NHSL1: variants seen among roughly 807,000 people sequenced by gnomAD.
The protein encoded by NHSL1 is NHS-like protein 1.
NHSL1 carries 48 observed loss-of-function variants against 95.0 expected under a neutral mutation model. The observed-to-expected ratio is 0.51, with a 90% CI of 0.40 to 0.64. NHSL1 has a LOEUF of 0.64. Among genes scored for constraint, NHSL1 ranks in the 30% least tolerant of loss-of-function variants. The probability of loss-of-function intolerance (pLI) is 0.00; values close to 1 mark genes in which losing one functional copy is unlikely to be tolerated. For synonymous variants in NHSL1, 783 were observed against 833.9 expected (o/e 0.94, Z 1.05); for missense variants, 1,971 against 2,077.7 (o/e 0.95, Z 1.00).
At chr6:138,475,546 T>A (rs532044528) in intron 2 of NHSL1, among the ~76,000 whole-genome samples, 79 of 152,238 alleles carry the variant, frequency 5.2e-4, no homozygotes, top group Non-Finnish European at 9.3e-4. Context: ...AGTTTTCAAA[T>A]GGTATTTTCT....
chr6:138,520,688 T>C (rs962123370), intron 1 of NHSL1, among the ~76,000 whole-genome samples: 2 of 152,212 alleles, frequency 1.3e-5, no homozygotes, highest in African/African-American at 4.8e-5. Flanking sequence ...CCAAATATTT[T>C]ACCACAGATA....
intron 1 of NHSL1, among the ~76,000 whole-genome samples, chr6:138,674,320 T>C (rs963308750): frequency 6.6e-6 from 1 of 151,528 alleles, no homozygotes; most frequent in African/African-American, 2.4e-5. Flanking sequence ...TTATTGTGTG[T>C]TTTTTTTTAA....
intron 1 of NHSL1, among the ~76,000 whole-genome samples, chr6:138,646,380 G>A (rs1785021023): frequency 6.6e-6 from 1 of 152,128 alleles, no homozygotes; most frequent in Admixed American, 6.5e-5. Flanking sequence ...TTATCAACCA[G>A]CCACTTGGGA....
chr6:138,485,896 G>A, intron 2 of NHSL1, among the ~76,000 whole-genome samples: 1 of 152,094 alleles, frequency 6.6e-6, no homozygotes, highest in South Asian at 2.1e-4. Context: ...CAAGACCTGA[G>A]CGAGAGAGCA....
chr6:138,570,470 C>T (rs974852877), intron 1 of NHSL1, among the ~76,000 whole-genome samples: 9 of 152,226 alleles, frequency 5.9e-5, no homozygotes, highest in Non-Finnish European at 1.2e-4. Flanking sequence ...AATCACACAG[C>T]ATTTGAACTG....
chr6:138,661,665 TA>T (rs1204471376), intron 1 of NHSL1, among the ~76,000 whole-genome samples: 300 of 128,732 alleles, frequency 2.3e-3, no homozygotes, highest in East Asian at 2.2e-3. Flanking sequence ...TTGTCTCAAA[TA>T]AAAAAAAAAA....
At chr6:138,550,202 G>C (rs1356570259), upstream of NHSL1, among the ~76,000 whole-genome samples, 1 of 151,976 alleles carries the variant, frequency 6.6e-6, no homozygotes, top group Non-Finnish European at 1.5e-5. Flanking sequence ...TCGTGCCACT[G>C]TATTCCAGCC....
chr6:138,687,144 T>A (rs1044510317), intron 1 of NHSL1, among the ~76,000 whole-genome samples: 8 of 152,014 alleles, frequency 5.3e-5, no homozygotes, highest in Admixed American at 3.9e-4. Context: ...AACCTATTCT[T>A]ATGCAGTCAG....
intron 3 of NHSL1, among the ~76,000 whole-genome samples, chr6:138,462,980 CAG>C (rs1778096225): frequency 6.6e-6 from 1 of 152,098 alleles, no homozygotes; most frequent in African/African-American, 2.4e-5. Context: ...GAGAATTTCT[CAG>C]GGGGTGAAAT....
chr6:138,440,204 G>C (rs1227403695), intron 5 of NHSL1, among the ~76,000 whole-genome samples: 1 of 152,200 alleles, frequency 6.6e-6, no homozygotes, highest in Non-Finnish European at 1.5e-5. Flanking sequence ...TTGCTGGAAT[G>C]CTTTAGGAAA....
At chr6:138,611,447 T>C (rs1460010055) in intron 1 of NHSL1, among the ~76,000 whole-genome samples, 3 of 152,126 alleles carry the variant, frequency 2.0e-5, no homozygotes, top group Non-Finnish European at 4.4e-5. Flanking sequence ...ATGCAAAAGG[T>C]AAACATTAAA....
chr6:138,515,797 G>A (rs1781434701), intron 1 of NHSL1, among the ~76,000 whole-genome samples: 1 of 152,198 alleles, frequency 6.6e-6, no homozygotes, highest in African/African-American at 2.4e-5. Flanking sequence ...ATGTGAGCTA[G>A]GCCTGGATGG....
intron 1 of NHSL1, among the ~76,000 whole-genome samples, chr6:138,604,270 C>T (rs1400349575): frequency 6.6e-6 from 1 of 152,162 alleles, no homozygotes; most frequent in Non-Finnish European, 1.5e-5. Context: ...GACAATTAAT[C>T]AGAAGGTTAA....
At position 138,467,713 on chromosome 6, in the gene NHSL1, A is replaced by G. The variant is rs115103323; in HGVS notation, c.339+5593T>C. On this transcript the variant is annotated intron_variant, in intron 3 of 7. Transcript: ENST00000343505. The stretch of plus-strand genomic sequence containing the variant: ...TGCTTGTGTCTTAGTGTTTAATAAA[A>G]AAGTTTAAAAAGGAAAACATTTTAA... 4.0e-3 allele frequency among the ~76,000 whole-genome samples: 615 copies of G among 152,354 alleles called. 6 individuals carry two copies. The highest frequency in any genetic ancestry group is 0.014 in the African/African-American group (583 of 41,578).
intron 1 of NHSL1, among the ~76,000 whole-genome samples, chr6:138,601,697 A>G (rs1784372982): frequency 6.6e-6 from 1 of 152,152 alleles, no homozygotes; most frequent in African/African-American, 2.4e-5. Flanking sequence ...ATGTAGTCCC[A>G]GCTACTCGGG....
chr6:138,651,976 A>G (rs1172371515), intron 1 of NHSL1, among the ~76,000 whole-genome samples: 1 of 152,232 alleles, frequency 6.6e-6, no homozygotes, highest in East Asian at 1.9e-4. Context: ...ATTTCTTATT[A>G]ACAATATAGA....
chr6:138,639,997 G>T (rs1016962357), intron 1 of NHSL1, among the ~76,000 whole-genome samples: 2 of 150,732 alleles, frequency 1.3e-5, no homozygotes, highest in Non-Finnish European at 2.9e-5. Flanking sequence ...GTATTGCACA[G>T]ACTATAATCT....
Position 138,499,224 on chromosome 6 carries a change from A to G in NHSL1, c.58+9T>C, listed in dbSNP as rs538993093. On this transcript the variant is annotated intron_variant, in intron 1 of 7. Coordinates refer to ENST00000343505, the MANE Select transcript of NHSL1 (RefSeq NM_001144060.2). ...ACAATAGGTAGTAGAGAGAAAAGGA[A>G]CTACTTACTTTTCTTCTTAAAAAGT... The G allele has an allele frequency of 9.8e-6, 15 of 1,523,206 alleles. No individual in the cohort carries two copies. The East Asian group carries it at 3.7e-4, about 37-fold the overall frequency. The allele number at this position is 1,523,206 out of a possible 1,614,324, so 94.4% of individuals were successfully genotyped here.
intron 1 of NHSL1, among the ~76,000 whole-genome samples, chr6:138,673,080 T>C (rs1394538592): frequency 5.9e-5 from 9 of 151,808 alleles, no homozygotes; most frequent in Admixed American, 5.9e-4. Flanking sequence ...TTCTAGATTA[T>C]TTCTATTATC....
Sources: gnomAD v4.1 joint callset for allele counts (sites outside exome capture counted in the v4.1 genomes callset) on GRCh38, gnomAD v4.1.1 for gene constraint, MANE v1.5 for transcripts, NCBI Gene and HGNC (gene_info 2026-07-23, HGNC 2026-07-21) for gene names.